The following SPARCL1 variants were observed in gnomAD, a reference collection of about 807,000 sequenced individuals.
SPARCL1 encodes SPARC like 1.
SPARCL1 carries 52 observed loss-of-function variants against 67.1 expected under a neutral mutation model. The ratio of observed to expected loss-of-function variants is 0.78; its 90% CI spans 0.62 to 0.98. SPARCL1 has a LOEUF of 0.98. SPARCL1 is among the 50% of genes least tolerant of loss of function. The pLI, the probability that SPARCL1 is intolerant of heterozygous loss-of-function variation, is 0.00. For missense variants in SPARCL1, 717 were observed against 782.4 expected (o/e 0.92, Z 1.00); for synonymous variants, 226 against 267.8 (o/e 0.84, Z 1.52).
rs1723432109 is a variant in SPARCL1 at position 87,473,510 on chromosome 4, G to C, written c.*265C>G. ...TAATTATCTCATAAGTCAATGCAGA[G>C]AGTGAAATTACTATGAATTAAACTT... On this transcript the variant is annotated 3_prime_UTR_variant, in exon 11 of 11. Transcript: ENST00000282470. The C allele has an allele frequency of 9.3e-6, 3 of 321,932 alleles. No homozygotes were observed. The highest frequency in any genetic ancestry group is 1.1e-5 in the Non-Finnish European group (2 of 177,742). 19.9% of individuals were successfully genotyped at this position (321,932 alleles called of 1,614,324 possible).
rs1233079399 is a variant in SPARCL1, at chr4:87,490,811, G to A, written c.1359C>T (p.His453=). The A allele has an allele frequency of 6.2e-7, 1 of 1,613,048 alleles. No individual in the cohort carries two copies. Among genetic ancestry groups the A allele is most frequent in the Non-Finnish European group, 8.5e-7 (1 of 1,179,410 alleles). ...ICKADQQGKP[H]CVCQDPVTCP... is the part of the protein sequence containing the mutation. Reference sequence around the variant, plus strand: ...AAGTCACTGGATCCTGGCAGACACAGTGAGGTTTTCCCTGTTGGTCTGCCT... The same window carrying A: ...AAGTCACTGGATCCTGGCAGACACAATGAGGTTTTCCCTGTTGGTCTGCCT... Residue 453 remains histidine (H), a synonymous_variant, in exon 6 of 11, where the codon CAC becomes CAT. Coordinates refer to ENST00000282470, the MANE Select transcript of SPARCL1 (RefSeq NM_004684.6).
At chr4:87,519,991 G>C (rs1007580054) in intron 1 of SPARCL1, among the ~76,000 whole-genome samples, 2 of 152,102 alleles carry the variant, frequency 1.3e-5, no homozygotes, top group East Asian at 3.9e-4. Flanking sequence ...TGTAATCCCA[G>C]CACTTTGGGA....
intron 4 of SPARCL1, among the ~76,000 whole-genome samples, chr4:87,492,412 C>T (rs569697262): frequency 6.3e-5 from 9 of 142,050 alleles, no homozygotes; most frequent in African/African-American, 1.1e-4. Context: ...AGTGAGACTC[C>T]GTCTCAAAAA....
chr4:87,523,981 G>A (rs1443638842), intron 1 of SPARCL1, among the ~76,000 whole-genome samples: 2 of 152,152 alleles, frequency 1.3e-5, no homozygotes, highest in Non-Finnish European at 2.9e-5. Context: ...CAAGAGCTCA[G>A]CCCCTCTCTA....
At chr4:87,508,573 A>G (rs898793550) in intron 1 of SPARCL1, among the ~76,000 whole-genome samples, 1 of 151,976 alleles carries the variant, frequency 6.6e-6, no homozygotes, top group African/African-American at 2.4e-5. Flanking sequence ...TGGGGGTCTT[A>G]TGACCTACAA....
chr4:87,510,731 G>C (rs940500053), intron 1 of SPARCL1, among the ~76,000 whole-genome samples: 6 of 152,184 alleles, frequency 3.9e-5, no homozygotes, highest in Non-Finnish European at 7.3e-5. Flanking sequence ...GACACACTAC[G>C]TGCAGGTATC....
At position 87,490,135 on chromosome 4, in the gene SPARCL1, T is replaced by C. The variant is rs1228151489; in HGVS notation, c.1531+138A>G. Reference sequence around the variant, plus strand: ...TTAAGGCCTGAGAGTTCTTATTTTTTAAGTTTCTCCAGTTGATAATTTTTG... The same window carrying C: ...TTAAGGCCTGAGAGTTCTTATTTTTCAAGTTTCTCCAGTTGATAATTTTTG... On this transcript the variant is annotated intron_variant, in intron 7 of 10. Coordinates refer to ENST00000282470, the MANE Select transcript of SPARCL1 (RefSeq NM_004684.6). The C allele has an allele frequency of 1.5e-5, 14 of 922,872 alleles. No individual in the cohort carries two copies. The East Asian group carries it at 4.0e-4, about 26-fold the overall frequency. 57.2% of individuals were successfully genotyped at this position (922,872 alleles called of 1,614,324 possible). A position where few individuals can be genotyped will look rare whatever the true frequency, so the allele number is the denominator to read the frequency against.
intron 7 of SPARCL1, 100 bp from the exon 8 acceptor site, chr4:87,482,660 G>T: frequency 2.3e-6 from 3 of 1,278,558 alleles, no homozygotes; most frequent in Non-Finnish European, 3.3e-6. Flanking sequence ...AACTGACAGA[G>T]CTTTCTCAGG....
rs556736647 is a variant in SPARCL1, at chr4:87,497,283, A to C, written c.55-2156T>G. 173 of 923,732 alleles carry C rather than the reference A, an allele frequency of 1.9e-4. No individual in the cohort carries two copies. In the Middle Eastern group the frequency reaches 4.5e-3, roughly 24 times the overall value. 57.2% of individuals were successfully genotyped at this position (923,732 alleles called of 1,614,324 possible). A position where few individuals can be genotyped will look rare whatever the true frequency, so the allele number is the denominator to read the frequency against. On this transcript the variant is annotated intron_variant, in intron 2 of 10. Coordinates refer to ENST00000282470, the MANE Select transcript of SPARCL1 (RefSeq NM_004684.6). ...TTGAAAAAGTTTATAAAGAAGCCTT[A>C]AAGAAGGGGGAAAAGGAGAAAGAAT...
At chr4:87,490,056 A>T (rs1447824464) in intron 7 of SPARCL1, among the ~76,000 whole-genome samples, 1 of 152,212 alleles carries the variant, frequency 6.6e-6, no homozygotes, top group Non-Finnish European at 1.5e-5. Context: ...AAACAAATAA[A>T]AAAAACAATG....
At position 87,511,967 on chromosome 4, in the gene SPARCL1, C is replaced by CTCTTTTTTTTT. The variant is rs71667858; in HGVS notation, c.-11-12383_-11-12382insAAAAAAAAAGA. On this transcript the variant is annotated intron_variant, in intron 1 of 10. Coordinates refer to ENST00000282470, the MANE Select transcript of SPARCL1 (RefSeq NM_004684.6). The stretch of plus-strand genomic sequence containing the variant: ...TTCCTTTCCTTTCCTCTTTCTTTCT[C>CTCTTTTTTTTT]TTTTTTTTTTTTTTTGAGACAGAGT... Among the ~76,000 whole-genome samples the CTCTTTTTTTTT allele has an allele frequency of 3.9e-4, 48 of 121,560 alleles. 1 individual carries two copies. The highest frequency in any genetic ancestry group is 1.4e-3 in the African/African-American group (45 of 31,394). 79.7% of individuals were successfully genotyped at this position (121,560 alleles called of 152,430 possible).
intron 1 of SPARCL1, among the ~76,000 whole-genome samples, chr4:87,507,516 G>C (rs1725146881): frequency 6.6e-6 from 1 of 152,114 alleles, no homozygotes; most frequent in Non-Finnish European, 1.5e-5. Context: ...AGGACACATA[G>C]TTTCTCTCTT....
intron 1 of SPARCL1, chr4:87,505,004 C>G (rs915699847): frequency 3.9e-5 from 6 of 152,062 alleles, no homozygotes; most frequent in Non-Finnish European, 7.3e-5. Context: ...GCAACCTCCC[C>G]CCGCTGCCCC....
chr4:87,525,412 G>A (rs1211205105), intron 1 of SPARCL1, among the ~76,000 whole-genome samples: 1 of 152,174 alleles, frequency 6.6e-6, no homozygotes, highest in African/African-American at 2.4e-5. Context: ...ATGAGTGCCA[G>A]GATTCAAGTC....
At chr4:87,503,148 G>A (rs1307315664) in intron 1 of SPARCL1, among the ~76,000 whole-genome samples, 3 of 152,146 alleles carry the variant, frequency 2.0e-5, no homozygotes, top group Admixed American at 6.5e-5. Flanking sequence ...GTTGAAACAT[G>A]GAAGTCCCCT....
intron 10 of SPARCL1, among the ~76,000 whole-genome samples, chr4:87,474,741 C>CT (rs1723495330): frequency 1.2e-4 from 8 of 64,230 alleles, no homozygotes; most frequent in Non-Finnish European, 1.1e-4. Flanking sequence ...TTCTCTCTCT[C>CT]TCTTTTTTTT....
chr4:87,482,395 T>A (rs1208187925), intron 8 of SPARCL1, 29 bp downstream of exon 8: 2 of 1,608,848 alleles, frequency 1.2e-6, no homozygotes, highest in East Asian at 4.5e-5. Flanking sequence ...TAGACAGACA[T>A]TGAAGAAGCT....
At chr4:87,508,068 C>G (rs1193236825) in intron 1 of SPARCL1, among the ~76,000 whole-genome samples, 1 of 152,200 alleles carries the variant, frequency 6.6e-6, no homozygotes, top group Non-Finnish European at 1.5e-5. Context: ...ACCTCGTCCC[C>G]TTGGGCCTTT....
intron 9 of SPARCL1, among the ~76,000 whole-genome samples, chr4:87,480,073 AT>A (rs924667486): frequency 6.6e-6 from 1 of 151,862 alleles, no homozygotes; most frequent in African/African-American, 2.4e-5. Context: ...GATAATTGTG[AT>A]AAGGGGACTT....
Sources: gnomAD v4.1 joint callset for allele counts (sites outside exome capture counted in the v4.1 genomes callset) on GRCh38, gnomAD v4.1.1 for gene constraint, MANE v1.5 for transcripts, NCBI Gene and HGNC (gene_info 2026-07-23, HGNC 2026-07-21) for gene names.